Variants in CDH18 observed in about 807,000 individuals in gnomAD.
CDH18 encodes cadherin-18.
In CDH18, 31 loss-of-function variants were observed where a neutral mutation model predicts 67.9. That is an observed-to-expected ratio of 0.46 (90% confidence interval 0.34 to 0.62). The LOEUF is 0.62. CDH18 is among the 20% of genes least tolerant of loss of function. CDH18 has a pLI of 0.01. For synonymous variants in CDH18, 362 were observed against 347.2 expected, an observed-to-expected ratio of 1.04 and a Z score of -0.48; for missense variants, 890 against 975.5, an observed-to-expected ratio of 0.91 and a Z score of 1.17.
chr5:19,994,855 T>TATATATATAG lies in CDH18; in HGVS notation c.-517-2842_-517-2841insCTATATATAT, dbSNP rs760777430. ...ATATATATATATATATATATATATATAGAGAGAGAGAGAGAGAGAGAGATG... is the reference window on the plus strand; with the variant it reads ...ATATATATATATATATATATATATATATATATATAGAGAGAGAGAGAGAGAGAGAGAGATG... On this transcript the variant is annotated intron_variant, in intron 2 of 14. Coordinates refer to the CDH18 transcript ENST00000507958. Among the ~76,000 whole-genome samples the TATATATATAG allele has an allele frequency of 2.1e-4, 14 of 67,584 alleles. 2 individuals carry two copies. The highest frequency in any genetic ancestry group is 8.1e-4 in the African/African-American group (11 of 13,598). The allele number at this position is 67,584 out of a possible 152,430, so 44.3% of individuals were successfully genotyped here. A position where few individuals can be genotyped will look rare whatever the true frequency, so the allele number is the denominator to read the frequency against.
At chr5:20,528,128 G>A (rs1159432816) in intron 1 of CDH18, among the ~76,000 whole-genome samples, 1 of 151,808 alleles carries the variant, frequency 6.6e-6, no homozygotes, top group East Asian at 1.9e-4. Flanking sequence ...TCTGACAAAA[G>A]GTAGGCTTTA....
chr5:19,915,493 C>T lies in CDH18; in HGVS notation c.-257+65567G>A, dbSNP rs143986182. ...TTAACCAGTAAAATAAACACATTTTCGAACAGCCTACTGTTGACTGGAAGC... is the reference window on the plus strand; with the variant it reads ...TTAACCAGTAAAATAAACACATTTTTGAACAGCCTACTGTTGACTGGAAGC... On this transcript the variant is annotated intron_variant, in intron 2 of 12. Transcript: ENST00000382275. Among the ~76,000 whole-genome samples, 455 of 152,106 alleles carry T rather than the reference C, an allele frequency of 3.0e-3. 5 individuals carry two copies. The highest frequency in any genetic ancestry group is 9.8e-3 in the African/African-American group (408 of 41,526).
At chr5:20,403,518 C>T (rs1221611762) in intron 1 of CDH18, among the ~76,000 whole-genome samples, 2 of 152,176 alleles carry the variant, frequency 1.3e-5, no homozygotes, top group Non-Finnish European at 2.9e-5. Flanking sequence ...CAACATTAAT[C>T]TACTTGTACA....
chr5:20,058,500 A>G (rs923137042), intron 2 of CDH18, among the ~76,000 whole-genome samples: 1 of 152,138 alleles, frequency 6.6e-6, no homozygotes, highest in African/African-American at 2.4e-5. Context: ...ATTGAGCCTT[A>G]CTTGATATAA....
chr5:19,930,076 C>A (rs1192813209), intron 2 of CDH18, among the ~76,000 whole-genome samples: 1 of 151,998 alleles, frequency 6.6e-6, no homozygotes, highest in East Asian at 1.9e-4. Flanking sequence ...ATATTCAAAG[C>A]TCTTTGAAAC....
intron 1 of CDH18, among the ~76,000 whole-genome samples, chr5:20,318,603 T>C (rs917524491): frequency 6.6e-6 from 1 of 152,092 alleles, no homozygotes; most frequent in African/African-American, 2.4e-5. Flanking sequence ...TGTCTCTTCC[T>C]CCTGCTCCCA....
At chr5:20,318,487 T>C (rs1049588714) in intron 1 of CDH18, among the ~76,000 whole-genome samples, 1 of 152,100 alleles carries the variant, frequency 6.6e-6, no homozygotes, top group Admixed American at 6.6e-5. Context: ...ATCCTGGGGG[T>C]GGGGCTCTCA....
At chr5:19,658,658 T>C (rs1756739209) in intron 5 of CDH18, among the ~76,000 whole-genome samples, 1 of 149,730 alleles carries the variant, frequency 6.7e-6, no homozygotes, top group Non-Finnish European at 1.5e-5. Flanking sequence ...CTTTTTTTCT[T>C]TTTTTTTTTA....
chr5:20,470,835 A>G (rs185509283), intron 1 of CDH18, among the ~76,000 whole-genome samples: 220 of 152,320 alleles, frequency 1.4e-3, no homozygotes, highest in African/African-American at 5.1e-3. Flanking sequence ...AGCTATTCCA[A>G]GTAGGGACCT....
At chr5:19,742,591 C>T (rs535228458) in intron 4 of CDH18, among the ~76,000 whole-genome samples, 12 of 152,270 alleles carry the variant, frequency 7.9e-5, no homozygotes, top group South Asian at 2.1e-4. Flanking sequence ...TCCAAGTCTA[C>T]GGTTCCCCTA....
At chr5:20,533,952 A>G (rs1042168454) in intron 1 of CDH18, among the ~76,000 whole-genome samples, 1 of 152,042 alleles carries the variant, frequency 6.6e-6, no homozygotes, top group Non-Finnish European at 1.5e-5. Context: ...TTATATATAA[A>G]CCAAAAGCTT....
At chr5:20,137,645 C>G (rs1038266794) in intron 2 of CDH18, among the ~76,000 whole-genome samples, 2 of 152,074 alleles carry the variant, frequency 1.3e-5, no homozygotes, top group African/African-American at 4.8e-5. Flanking sequence ...GAGCTGCATT[C>G]CTCTGGAGGA....
intron 1 of CDH18, chr5:20,304,948 C>T (rs1225684454): frequency 5.6e-6 from 9 of 1,613,694 alleles, no homozygotes; most frequent in Non-Finnish European, 5.1e-6. Flanking sequence ...TATCCAATCC[C>T]GCACGGAGCA....
chr5:19,906,089 C>A (rs1276453437), intron 2 of CDH18, among the ~76,000 whole-genome samples: 1 of 151,916 alleles, frequency 6.6e-6, no homozygotes, highest in Non-Finnish European at 1.5e-5. Flanking sequence ...CTAATCCATT[C>A]ATTAGTGATT....
chr5:19,558,180 A>G (rs1716464500), intron 8 of CDH18, among the ~76,000 whole-genome samples: 1 of 152,068 alleles, frequency 6.6e-6, no homozygotes, highest in Admixed American at 6.6e-5. Context: ...TTAAATGCCT[A>G]CATCAAAAAG....
intron 8 of CDH18, among the ~76,000 whole-genome samples, chr5:19,570,324 T>C (rs1034980163): frequency 1.3e-5 from 2 of 152,160 alleles, no homozygotes; most frequent in Non-Finnish European, 2.9e-5. Flanking sequence ...ATCCTCCTTC[T>C]TCAAGCATTA....
chr5:19,735,245 G>A (rs1768146377), intron 4 of CDH18, among the ~76,000 whole-genome samples: 1 of 151,982 alleles, frequency 6.6e-6, no homozygotes, highest in African/African-American at 2.4e-5. Flanking sequence ...GGTCTCAGTG[G>A]TTGCTTTAAT....
intron 5 of CDH18, among the ~76,000 whole-genome samples, chr5:19,694,179 A>AT (rs1580906653): frequency 6.6e-6 from 1 of 152,134 alleles, no homozygotes; most frequent in Admixed American, 6.6e-5. Flanking sequence ...TGTATCTTTA[A>AT]TTTTTTTATA....
At chr5:20,501,592 T>TA (rs1754316539) in intron 1 of CDH18, among the ~76,000 whole-genome samples, 1 of 21,244 alleles carries the variant, frequency 4.7e-5, no homozygotes, top group African/African-American at 1.3e-4. Context: ...TATATATATA[T>TA]ATTATATATA....
Sources: gnomAD v4.1 joint callset for allele counts (sites outside exome capture counted in the v4.1 genomes callset) on GRCh38, gnomAD v4.1.1 for gene constraint, MANE v1.5 for transcripts, NCBI Gene and HGNC (gene_info 2026-07-23, HGNC 2026-07-21) for gene names.